MLLT3: variants seen among roughly 807,000 people sequenced by gnomAD.
MLLT3 encodes the protein protein AF-9.
MLLT3 carries 4 observed loss-of-function variants against 53.2 expected under a neutral mutation model. That is an observed-to-expected ratio of 0.08 (90% CI 0.04 to 0.17). MLLT3 has a LOEUF of 0.17. Ranked by LOEUF, MLLT3 falls within the 10% of genes least tolerant of loss-of-function variation. The pLI, the probability that MLLT3 is intolerant of heterozygous loss-of-function variation, is 1.00. For missense variants in MLLT3, 569 were observed against 684.0 expected, an observed-to-expected ratio of 0.83 and a Z score of 1.87; for synonymous variants, 283 against 230.6, an observed-to-expected ratio of 1.23 and a Z score of -2.06.
At chr9:20,393,218 A>G (rs894241649) in intron 5 of MLLT3, among the ~76,000 whole-genome samples, 1 of 152,190 alleles carries the variant, frequency 6.6e-6, no homozygotes, top group African/African-American at 2.4e-5. Flanking sequence ...TATAAAAAAT[A>G]AAGAAATTAG....
At chr9:20,401,953 G>C (rs1822466669) in intron 5 of MLLT3, among the ~76,000 whole-genome samples, 1 of 152,162 alleles carries the variant, frequency 6.6e-6, no homozygotes, top group African/African-American at 2.4e-5. Flanking sequence ...TGTCCAGTTG[G>C]TAGCTTTTGA....
At chr9:20,614,917 TTTA>T (rs761064910) in intron 2 of MLLT3, among the ~76,000 whole-genome samples, 69,031 of 151,838 alleles carry the variant, frequency 0.45, 16,840 homozygotes, top group Middle Eastern at 0.56. Flanking sequence ...ACAAAGGACC[TTTA>T]AGGCAAAATT....
At chr9:20,407,026 T>C (rs1586925216) in intron 5 of MLLT3, among the ~76,000 whole-genome samples, 1 of 152,348 alleles carries the variant, frequency 6.6e-6, no homozygotes, top group South Asian at 2.1e-4. Context: ...AATAATTACA[T>C]AGACACCAAA....
At chr9:20,578,590 C>G (rs1308045911) in intron 2 of MLLT3, among the ~76,000 whole-genome samples, 2 of 152,064 alleles carry the variant, frequency 1.3e-5, no homozygotes, top group African/African-American at 4.8e-5. Flanking sequence ...ACTATGATAT[C>G]TAATACAGCA....
At chr9:20,550,651 G>A (rs1401268284) in intron 2 of MLLT3, among the ~76,000 whole-genome samples, 1 of 151,962 alleles carries the variant, frequency 6.6e-6, no homozygotes, top group Admixed American at 6.6e-5. Flanking sequence ...AACTTCCTCG[G>A]CCTCTTTAAA....
In MLLT3 at chr9:20,365,764, G is replaced by A; in HGVS notation, c.1126-20C>T. On this transcript the variant is annotated intron_variant, in intron 5 of 10. Transcript: ENST00000380338. ...TTCAGACTTTAAAGAAGAATAAAAA[G>A]GCACCATCAATAAATTTACGGGATA... The A allele has an allele frequency of 6.2e-7, 1 of 1,613,686 alleles. No individual in the cohort carries two copies. The highest frequency in any genetic ancestry group is 1.1e-5 in the South Asian group (1 of 91,016).
rs370730840 is a variant in MLLT3 at position 20,622,301 on chromosome 9, C to T, written c.-45G>A. On this transcript the variant is annotated 5_prime_UTR_variant, in exon 1 of 11. Transcript: ENST00000380338. ...TGCTGGGGTGTTGTGTGGTACCCCC[C>T]CCTCCTCCGCCCCCCCTCAGCTGTA... 2.7e-5 allele frequency: 41 copies of T among 1,498,904 alleles called. No individual in the cohort carries two copies. The highest frequency in any genetic ancestry group is 3.7e-5 in the Non-Finnish European group (41 of 1,114,214). 92.9% of individuals were successfully genotyped at this position (1,498,904 alleles called of 1,614,324 possible). A position where few individuals can be genotyped will look rare whatever the true frequency, so the allele number is the denominator to read the frequency against.
In MLLT3 at chr9:20,342,032, G is replaced by T. The variant is rs1563927820; in HGVS notation, c.*4411C>A. 6.0e-6 allele frequency: 1 copy of T among 166,136 alleles called. No individual in the cohort carries two copies. Among genetic ancestry groups the T allele is most frequent in the Non-Finnish European group, 1.3e-5 (1 of 74,084 alleles). 10.3% of individuals were successfully genotyped at this position (166,136 alleles called of 1,614,324 possible). On this transcript the variant is annotated 3_prime_UTR_variant, in exon 11 of 11. Transcript: ENST00000380338. ...GGACTCTCTGCCTTCAGCTGGTTTT[G>T]GACACATTGTCCTCTCTCTGGATGT... is the stretch of plus-strand genomic sequence containing the variant.
intron 2 of MLLT3, among the ~76,000 whole-genome samples, chr9:20,596,346 C>T (rs1820263454): frequency 2.6e-5 from 4 of 152,138 alleles, no homozygotes; most frequent in Admixed American, 2.6e-4. Flanking sequence ...TTAAGACGTC[C>T]CTATTTTCAT....
intron 4 of MLLT3, among the ~76,000 whole-genome samples, chr9:20,441,145 A>C (rs1486464974): frequency 6.6e-6 from 1 of 152,100 alleles, no homozygotes; most frequent in Admixed American, 6.6e-5. Context: ...AGCAGAGTGG[A>C]AAGTTTGCTC....
intron 5 of MLLT3, among the ~76,000 whole-genome samples, chr9:20,408,771 G>A (rs1245456741): frequency 6.6e-6 from 1 of 152,180 alleles, no homozygotes; most frequent in Non-Finnish European, 1.5e-5. Flanking sequence ...TAAGGCCAAT[G>A]CTTCAACAGC....
chr9:20,423,591 T>C (rs1297297346), intron 4 of MLLT3, among the ~76,000 whole-genome samples: 3 of 151,038 alleles, frequency 2.0e-5, no homozygotes, highest in African/African-American at 7.3e-5. Context: ...GGAAGGAGGA[T>C]CACTTGAGCC....
At chr9:20,577,861 G>C (rs1304816709) in intron 2 of MLLT3, among the ~76,000 whole-genome samples, 2 of 152,196 alleles carry the variant, frequency 1.3e-5, no homozygotes, top group Non-Finnish European at 2.9e-5. Context: ...TCAGCTTCCT[G>C]ATTACAGCAG....
At chr9:20,618,442 G>A (rs1300396165) in intron 2 of MLLT3, among the ~76,000 whole-genome samples, 1 of 152,216 alleles carries the variant, frequency 6.6e-6, no homozygotes, top group Admixed American at 6.5e-5. Context: ...TCTGAATCAT[G>A]TGTAATTACA....
intron 5 of MLLT3, among the ~76,000 whole-genome samples, chr9:20,371,507 A>G (rs76915960): frequency 0.023 from 3,474 of 152,324 alleles, 89 homozygotes; most frequent in African/African-American, 0.075. Context: ...TAGGGCCCTT[A>G]AGAATTATGC....
chr9:20,595,798 C>T (rs1309325646), intron 2 of MLLT3, among the ~76,000 whole-genome samples: 2 of 152,140 alleles, frequency 1.3e-5, no homozygotes, highest in South Asian at 2.1e-4. Flanking sequence ...TTTTCCTCTA[C>T]TTTTTATCCC....
At chr9:20,365,818 G>A in intron 5 of MLLT3, 74 bp from the exon 6 acceptor site, 1 of 1,499,182 alleles carries the variant, frequency 6.7e-7, no homozygotes, top group Non-Finnish European at 9.2e-7. Context: ...AAACAGTATT[G>A]TTGCTCAAAC....
At chr9:20,560,034 C>T (rs935830901) in intron 2 of MLLT3, among the ~76,000 whole-genome samples, 3 of 152,140 alleles carry the variant, frequency 2.0e-5, no homozygotes, top group Admixed American at 2.0e-4. Context: ...CCTAAAAGCT[C>T]ACACTATAAA....
chr9:20,357,263 C>A (rs1328932523), intron 8 of MLLT3, among the ~76,000 whole-genome samples: 1 of 152,168 alleles, frequency 6.6e-6, no homozygotes, highest in African/African-American at 2.4e-5. Context: ...TCCCTCCCTG[C>A]CAAGCTTCTG....
Sources: allele counts gnomAD v4.1 joint callset (sites outside exome capture counted in the v4.1 genomes callset), GRCh38; gene constraint gnomAD v4.1.1; transcripts MANE v1.5; gene names NCBI Gene and HGNC (gene_info 2026-07-23, HGNC 2026-07-21).